The following WDFY3 variants were observed in gnomAD, a reference collection of about 807,000 sequenced individuals.
The protein encoded by WDFY3 is WD repeat and FYVE domain-containing protein 3.
A neutral mutation model predicts 409.6 loss-of-function variants in WDFY3; 66 were observed. The ratio of observed to expected loss-of-function variants is 0.16; its 90% CI spans 0.13 to 0.20. WDFY3 has a LOEUF of 0.20. Ranked by LOEUF, WDFY3 falls within the 10% of genes least tolerant of loss-of-function variation. WDFY3 has a pLI of 1.00. For missense variants in WDFY3, 3,031 were observed against 4,298.1 expected, an observed-to-expected ratio of 0.71 and a Z score of 8.24; for synonymous variants, 1,521 against 1,537.1, an observed-to-expected ratio of 0.99 and a Z score of 0.25.
chr4:84,719,191 T>C (rs1299663439), intron 47 of WDFY3, among the ~76,000 whole-genome samples: 1 of 152,210 alleles, frequency 6.6e-6, no homozygotes, highest in Non-Finnish European at 1.5e-5. Flanking sequence ...TTTTCCATCA[T>C]ACCCCCTGGA....
At chr4:84,813,169 T>C (rs1448782620) in intron 13 of WDFY3, among the ~76,000 whole-genome samples, 6 of 152,106 alleles carry the variant, frequency 3.9e-5, no homozygotes, top group Non-Finnish European at 5.9e-5. Flanking sequence ...ATATGTCAGT[T>C]GAATGGAGGC....
chr4:84,709,467 T>G, intron 51 of WDFY3, 120 bp from the exon 52 acceptor site: 1 of 730,936 alleles, frequency 1.4e-6, no homozygotes, highest in East Asian at 2.8e-5. Flanking sequence ...GAGGATCTAT[T>G]AGTGGGTCAT....
At chr4:84,743,676 T>C (rs1379379101) in intron 37 of WDFY3, 24 bp downstream of exon 37, 1 of 1,499,830 alleles carries the variant, frequency 6.7e-7, no homozygotes, top group South Asian at 1.3e-5. Flanking sequence ...TAGGTATTTC[T>C]ATAAAATAAA....
chr4:84,828,336 T>C (rs866634901), intron 9 of WDFY3, among the ~76,000 whole-genome samples: 205 of 152,170 alleles, frequency 1.3e-3, no homozygotes, highest in African/African-American at 4.4e-3. Flanking sequence ...ATATACACAG[T>C]TGTAAGGTTT....
At chr4:84,870,311 G>T (rs1240798822) in intron 3 of WDFY3, among the ~76,000 whole-genome samples, 2 of 152,058 alleles carry the variant, frequency 1.3e-5, no homozygotes, top group South Asian at 4.1e-4. Context: ...GACTTTTCTT[G>T]GACCCATCAA....
chr4:84,674,058 T>C (rs1189302167), intron 67 of WDFY3, among the ~76,000 whole-genome samples: 5 of 152,210 alleles, frequency 3.3e-5, no homozygotes, highest in African/African-American at 9.6e-5. Context: ...CTCTCAGCCA[T>C]AGAGACCACA....
chr4:84,907,874 T>C (rs181369595), intron 2 of WDFY3, among the ~76,000 whole-genome samples: 1 of 151,874 alleles, frequency 6.6e-6, no homozygotes, highest in African/African-American at 2.4e-5. Context: ...AACGGATAAA[T>C]AGAAGGCCCT....
intron 1 of WDFY3, among the ~76,000 whole-genome samples, chr4:84,942,208 A>G (rs1772235407): frequency 6.6e-6 from 1 of 152,080 alleles, no homozygotes; most frequent in African/African-American, 2.4e-5. Flanking sequence ...AGTGGACATC[A>G]CCAAAATTAA....
intron 13 of WDFY3, among the ~76,000 whole-genome samples, chr4:84,811,909 T>C (rs1035951376): frequency 6.6e-6 from 1 of 152,174 alleles, no homozygotes; most frequent in Non-Finnish European, 1.5e-5. Context: ...CTTATACACA[T>C]AGCCTGAAGG....
intron 2 of WDFY3, among the ~76,000 whole-genome samples, chr4:84,904,165 A>C (rs1461753696): frequency 1.3e-5 from 2 of 152,234 alleles, no homozygotes; most frequent in Non-Finnish European, 2.9e-5. Context: ...CTCACCAGAC[A>C]CTGAATCTGC....
chr4:84,813,687 C>T (rs1051228464), intron 13 of WDFY3, among the ~76,000 whole-genome samples: 5 of 152,040 alleles, frequency 3.3e-5, no homozygotes, highest in African/African-American at 1.2e-4. Flanking sequence ...CTCAAAATTA[C>T]GGGTCAGCCA....
intron 11 of WDFY3, 148 bp downstream of exon 11, chr4:84,820,936 T>C (rs1753965378): frequency 1.3e-6 from 1 of 772,948 alleles, no homozygotes; most frequent in Admixed American, 3.0e-5. Flanking sequence ...AACCTGTAAA[T>C]TTTGGAAAAT....
chr4:84,836,277 G>A (rs1756559134), intron 7 of WDFY3, among the ~76,000 whole-genome samples: 2 of 151,990 alleles, frequency 1.3e-5, no homozygotes, highest in South Asian at 4.1e-4. Flanking sequence ...TGTGTCAAAT[G>A]TTGTTTTTTT....
intron 2 of WDFY3, among the ~76,000 whole-genome samples, chr4:84,917,467 T>A (rs1579117280): frequency 2.0e-5 from 3 of 152,326 alleles, no homozygotes; most frequent in Middle Eastern, 6.8e-3. Flanking sequence ...TATGGATATC[T>A]GAAATTTTCT....
intron 1 of WDFY3, among the ~76,000 whole-genome samples, chr4:84,951,047 A>G (rs1773546028): frequency 6.6e-6 from 1 of 152,212 alleles, no homozygotes; most frequent in African/African-American, 2.4e-5. Context: ...TGCATCTCAC[A>G]TTGGAGATTA....
At chr4:84,693,190 G>T (rs936371497) in intron 58 of WDFY3, among the ~76,000 whole-genome samples, 158 bp from the exon 59 acceptor site, 1 of 152,188 alleles carries the variant, frequency 6.6e-6, no homozygotes, top group Non-Finnish European at 1.5e-5. Flanking sequence ...ATTCAAAGAC[G>T]CTATGAAGGT....
At position 84,897,030 on chromosome 4, in the gene WDFY3, G is replaced by A. The variant is rs1765729354; in HGVS notation, c.-131-20C>T. On this transcript the variant is annotated intron_variant, in intron 2 of 67. Transcript: ENST00000295888. ...CTCCAGCTAGAAAGAGGGGGAAAAA[G>A]GTTATGAATTAATCTCTAATTCAGA... The A allele has an allele frequency of 6.6e-6, 1 of 152,170 alleles. No homozygotes were observed. Among genetic ancestry groups the A allele is most frequent in the Non-Finnish European group, 1.5e-5 (1 of 68,032 alleles). The allele number at this position is 152,170 out of a possible 1,614,324, so 9.4% of individuals were successfully genotyped here.
At chr4:84,936,258 C>T (rs1771396989) in intron 1 of WDFY3, among the ~76,000 whole-genome samples, 2 of 152,164 alleles carry the variant, frequency 1.3e-5, no homozygotes, top group South Asian at 2.1e-4. Context: ...TGGTGGCTCA[C>T]GCCTGTAATC....
chr4:84,824,009 T>A (rs1754477245), intron 10 of WDFY3, among the ~76,000 whole-genome samples: 2 of 152,160 alleles, frequency 1.3e-5, no homozygotes, highest in Admixed American at 1.3e-4. Flanking sequence ...GATAGTCAAA[T>A]AAATGTCCAT....
Sources: allele counts gnomAD v4.1 joint callset (sites outside exome capture counted in the v4.1 genomes callset), GRCh38; gene constraint gnomAD v4.1.1; transcripts MANE v1.5; gene names NCBI Gene and HGNC (gene_info 2026-07-23, HGNC 2026-07-21).